The following PPL variants were observed in gnomAD, a reference collection of about 807,000 sequenced individuals.
The protein encoded by PPL is 190 kDa paraneoplastic pemphigus antigen.
Under a neutral mutation model 194.4 loss-of-function variants are expected in PPL, and 198 were observed. The ratio of observed to expected loss-of-function variants is 1.02; its 90% confidence interval spans 0.91 to 1.15. The LOEUF (loss-of-function observed/expected upper bound fraction) is 1.15, where lower values mean the gene tolerates loss of function less well. Among genes scored for constraint, PPL ranks in the 50% most tolerant of loss-of-function variants. PPL has a pLI of 0.00. For missense variants in PPL, 2,885 were observed against 2,294.8 expected, an observed-to-expected ratio of 1.26 and a Z score of -5.25; for synonymous variants, 1,220 against 972.4, an observed-to-expected ratio of 1.25 and a Z score of -4.74.
chr16:4,894,496 T>G lies in PPL; in HGVS notation c.1365A>C (p.Thr455=), dbSNP rs759158791. ...CAGCCAGAGCCAGGGCCTCAGGGTC[T>G]GTGGGGGGGATCACAAAACACACGG... ...APAVCFVIPP[T]DPEALALADS... Residue 455 remains threonine (T), a synonymous_variant, in exon 12 of 22, where the codon ACA becomes ACC. Coordinates refer to ENST00000345988, the MANE Select transcript of PPL (RefSeq NM_002705.5). The G allele has an allele frequency of 6.2e-7, 1 of 1,613,894 alleles. No homozygotes were observed. Among genetic ancestry groups the G allele is most frequent in the Non-Finnish European group, 8.5e-7 (1 of 1,179,966 alleles).
intron 2 of PPL, among the ~76,000 whole-genome samples, chr16:4,904,748 C>T (rs991043584): frequency 1.3e-5 from 2 of 152,060 alleles, no homozygotes; most frequent in South Asian, 2.1e-4. Context: ...TGCACAGCTC[C>T]ATTTGTGCTT....
At chr16:4,921,943 T>A (rs912026041) in intron 1 of PPL, among the ~76,000 whole-genome samples, 4 of 151,256 alleles carry the variant, frequency 2.6e-5, no homozygotes, top group Non-Finnish European at 5.9e-5. Flanking sequence ...GGGACAGAGG[T>A]AGCACCCTGG....
chr16:4,893,839 C>T (rs1047322982), intron 12 of PPL: 24 of 575,908 alleles, frequency 4.2e-5, no homozygotes, highest in East Asian at 4.0e-4. Context: ...CCTCCTCTTT[C>T]GTAGGAAGTC....
intron 2 of PPL, among the ~76,000 whole-genome samples, chr16:4,907,744 C>T (rs1393364154): frequency 6.6e-6 from 1 of 152,058 alleles, no homozygotes; most frequent in Non-Finnish European, 1.5e-5. Context: ...GAAAATTCAA[C>T]AGAACTGGGA....
intron 1 of PPL, 48 bp downstream of exon 1, chr16:4,936,936 C>T: frequency 6.4e-7 from 1 of 1,550,528 alleles, no homozygotes; most frequent in Non-Finnish European, 8.7e-7. Context: ...TCCTGTGCGC[C>T]CACAGGGGCA....
intron 1 of PPL, among the ~76,000 whole-genome samples, chr16:4,928,784 G>A (rs1568063684): frequency 6.6e-6 from 1 of 152,216 alleles, no homozygotes; most frequent in East Asian, 1.9e-4. Context: ...GCCGAGGCAG[G>A]TGGATCACCT....
chr16:4,894,392 C>T (rs909554445), intron 12 of PPL, 75 bp downstream of exon 12: 23 of 1,558,510 alleles, frequency 1.5e-5, no homozygotes, highest in Middle Eastern at 1.7e-4. Flanking sequence ...TCCAAATCCC[C>T]GGGGCTATGA....
intron 1 of PPL, among the ~76,000 whole-genome samples, chr16:4,915,086 C>G (rs1362967159): frequency 6.6e-6 from 1 of 152,220 alleles, no homozygotes; most frequent in African/African-American, 2.4e-5. Flanking sequence ...ACCTCAGGCA[C>G]AGGGCCAGCT....
rs184514677 is a variant in PPL at position 4,901,809 on chromosome 16, G to A, written c.438+597C>T. Among the ~76,000 whole-genome samples the A allele has an allele frequency of 3.7e-3, 514 of 137,520 alleles. 2 individuals are homozygous for A. The highest frequency in any genetic ancestry group is 4.5e-3 in the Middle Eastern group (1 of 222). The allele number at this position is 137,520 out of a possible 152,430, so 90.2% of individuals were successfully genotyped here. ...CAAAATATTAGCCAGGTATGATGGC[G>A]TGCACCTGTAATTCCAGCTACTTGG... is the stretch of plus-strand genomic sequence containing the variant. On this transcript the variant is annotated intron_variant, in intron 4 of 21. Coordinates refer to ENST00000345988, the MANE Select transcript of PPL (RefSeq NM_002705.5).
chr16:4,890,467 G>A (rs2088298315), intron 17 of PPL, 133 bp from the exon 18 acceptor site: 2 of 1,242,280 alleles, frequency 1.6e-6, no homozygotes, highest in Non-Finnish European at 1.1e-6. Context: ...ACACAGGGTG[G>A]GTGGTCATTA....
chr16:4,893,123 G>A, intron 14 of PPL, 90 bp downstream of exon 14: 1 of 1,395,488 alleles, frequency 7.2e-7, no homozygotes, highest in Non-Finnish European at 9.4e-7. Flanking sequence ...AATATCCCAA[G>A]ACTCCATGGG....
At position 4,900,951 on chromosome 16, in the gene PPL, G is replaced by C. The variant is rs1170116775; in HGVS notation, c.564+13C>G. On this transcript the variant is annotated intron_variant, in intron 5 of 21. Coordinates refer to ENST00000345988, the MANE Select transcript of PPL (RefSeq NM_002705.5). Reference sequence around the variant, plus strand: ...CCATCCCTGGGTCCCCACCACACCAGCACACGCCCCACCTTGTCCCCGTCC... The same window carrying C: ...CCATCCCTGGGTCCCCACCACACCACCACACGCCCCACCTTGTCCCCGTCC... 2 of 1,613,946 alleles carry C rather than the reference G, an allele frequency of 1.2e-6. No homozygotes were observed. Among genetic ancestry groups the C allele is most frequent in the East Asian group, 4.5e-5 (2 of 44,870 alleles).
intron 1 of PPL, among the ~76,000 whole-genome samples, chr16:4,926,774 G>A (rs2089160856): frequency 6.6e-6 from 1 of 151,122 alleles, no homozygotes; most frequent in Non-Finnish European, 1.5e-5. Flanking sequence ...AGCTACTTGG[G>A]AGGCTGAGGC....
intron 18 of PPL, among the ~76,000 whole-genome samples, chr16:4,889,806 C>T (rs561510765): frequency 3.9e-5 from 6 of 152,290 alleles, no homozygotes; most frequent in African/African-American, 1.2e-4. Flanking sequence ...ATTGGCTTCC[C>T]GTGTTCCTCC....
intron 16 of PPL, 185 bp downstream of exon 16, chr16:4,891,626 C>T: frequency 3.0e-6 from 2 of 675,388 alleles, no homozygotes; most frequent in East Asian, 5.7e-5. Context: ...TCCCGTAAGT[C>T]ACACAGATCC....
chr16:4,932,644 C>T (rs547847332), intron 1 of PPL, among the ~76,000 whole-genome samples: 1 of 152,232 alleles, frequency 6.6e-6, no homozygotes, highest in Admixed American at 6.5e-5. Flanking sequence ...TCTTGAACTC[C>T]TGACCTCAAG....
At chr16:4,913,725 CAAAG>C (rs1396086889) in intron 1 of PPL, among the ~76,000 whole-genome samples, 1 of 152,152 alleles carries the variant, frequency 6.6e-6, no homozygotes, top group Non-Finnish European at 1.5e-5. Context: ...TTTCTTTAAA[CAAAG>C]AAAGAAAGGG....
At chr16:4,896,035 G>C (rs144267654) in intron 9 of PPL, among the ~76,000 whole-genome samples, 122 of 152,304 alleles carry the variant, frequency 8.0e-4, no homozygotes, top group Non-Finnish European at 1.5e-3. Context: ...TCTGTACTAG[G>C]AACATCCAGA....
At chr16:4,908,578 C>T (rs1024703387) in intron 2 of PPL, among the ~76,000 whole-genome samples, 8 of 152,146 alleles carry the variant, frequency 5.3e-5, no homozygotes. Context: ...CCCTCTGCTG[C>T]CCAGGCTGGA....
Sources: gnomAD v4.1 joint callset for allele counts (sites outside exome capture counted in the v4.1 genomes callset) on GRCh38, gnomAD v4.1.1 for gene constraint, MANE v1.5 for transcripts, NCBI Gene and HGNC (gene_info 2026-07-23, HGNC 2026-07-21) for gene names.